SH3KBP1: variants seen among roughly 807,000 people sequenced by gnomAD.
SH3KBP1 encodes SH3 domain containing kinase binding protein 1.
Under a neutral mutation model 50.1 loss-of-function variants are expected in SH3KBP1, and 8 were observed. That is an observed-to-expected ratio of 0.16 (90% CI 0.09 to 0.29). SH3KBP1 has a LOEUF of 0.29. Ranked by LOEUF, SH3KBP1 falls within the 10% of genes least tolerant of loss-of-function variation. The pLI is 1.00. For missense variants in SH3KBP1, 377 were observed against 535.2 expected (o/e 0.70, Z 2.92); for synonymous variants, 227 against 218.6 (o/e 1.04, Z -0.34).
intron 1 of SH3KBP1, among the ~76,000 whole-genome samples, chrX:19,873,102 A>G (rs920013057): frequency 2.8e-5 from 3 of 108,505 alleles, no homozygotes; most frequent in African/African-American, 1.0e-4. Context: ...CAGGATAGAA[A>G]GGGGACATAT....
intron 3 of SH3KBP1, among the ~76,000 whole-genome samples, chrX:19,723,044 G>T (rs2064115037): frequency 9.3e-6 from 1 of 108,052 alleles, no homozygotes; most frequent in Non-Finnish European, 1.9e-5. Flanking sequence ...TTACCTGGGA[G>T]GCTGAGGTGG....
intron 13 of SH3KBP1, among the ~76,000 whole-genome samples, chrX:19,554,990 A>G (rs1485030862): frequency 8.9e-6 from 1 of 112,797 alleles, no homozygotes; most frequent in Admixed American, 9.4e-5. Flanking sequence ...AGCTGCGATT[A>G]AGGCAGAATT....
chrX:19,658,905 G>A (rs1389882402), intron 6 of SH3KBP1, among the ~76,000 whole-genome samples: 2 of 109,800 alleles, frequency 1.8e-5, no homozygotes, highest in Admixed American at 9.8e-5. Flanking sequence ...ATGAGTTCAA[G>A]CCACATACTT....
chrX:19,736,353 G>A (rs1031357332), intron 3 of SH3KBP1, among the ~76,000 whole-genome samples: 1 of 112,147 alleles, frequency 8.9e-6, no homozygotes, highest in Non-Finnish European at 1.9e-5. Flanking sequence ...AAACACAGGG[G>A]GAATCTGCAA....
At chrX:19,643,534 C>G (rs754842796) in intron 7 of SH3KBP1, among the ~76,000 whole-genome samples, 2 of 108,538 alleles carry the variant, frequency 1.8e-5, no homozygotes, top group South Asian at 8.0e-4. Flanking sequence ...AACCACTGTG[C>G]CCAGCCCAAC....
intron 12 of SH3KBP1, chrX:19,588,205 T>G: frequency 2.0e-6 from 1 of 508,003 alleles, no homozygotes; most frequent in Non-Finnish European, 2.9e-6. Flanking sequence ...GCCTGGGCTA[T>G]GGAAAGAAGC....
chrX:19,550,400 C>T (rs988425214), intron 13 of SH3KBP1, among the ~76,000 whole-genome samples: 5 of 110,928 alleles, frequency 4.5e-5, no homozygotes, highest in African/African-American at 1.6e-4. Context: ...CTCTTTTTTC[C>T]ACAAATCCAA....
chrX:19,584,293 ATT>A (rs1164526931), intron 12 of SH3KBP1, among the ~76,000 whole-genome samples: 28 of 95,029 alleles, frequency 2.9e-4, no homozygotes, highest in African/African-American at 1.1e-3. Flanking sequence ...ATATATTTAT[ATT>A]TATATTTATA....
rs150537236 is a variant in SH3KBP1, at chrX:19,852,019, G to A, written c.5-15737C>T. Among the ~76,000 whole-genome samples, 243 of 111,592 alleles carry A rather than the reference G, an allele frequency of 2.2e-3. 1 individual carries two copies. Among genetic ancestry groups the A allele is most frequent in the African/African-American group, 6.9e-3 (213 of 30,684 alleles). On this transcript the variant is annotated intron_variant, in intron 1 of 17. Transcript: ENST00000397821. ...CAGGAGAAATCTAATCTTCCTCCCC[G>A]GGCTTTGGAACCTGGGCAGGCTGGT...
chrX:19,609,922 T>C (rs2067360840), intron 8 of SH3KBP1, among the ~76,000 whole-genome samples: 1 of 111,863 alleles, frequency 8.9e-6, no homozygotes, highest in South Asian at 3.8e-4. Context: ...CTCGTGGGAA[T>C]TCTCTATAAG....
At chrX:19,595,828 G>A (rs750448507) in intron 9 of SH3KBP1, among the ~76,000 whole-genome samples, 39 of 111,742 alleles carry the variant, frequency 3.5e-4, no homozygotes, top group Middle Eastern at 4.6e-3. Flanking sequence ...CTGTGTTAGG[G>A]GGAAGCAGTG....
At chrX:19,760,041 C>CCCT (rs2065349510) in intron 2 of SH3KBP1, among the ~76,000 whole-genome samples, 1 of 50,459 alleles carries the variant, frequency 2.0e-5, no homozygotes, top group Non-Finnish European at 3.6e-5. Flanking sequence ...TCTCTCTCTC[C>CCCT]CTCTCTCTCT....
chrX:19,609,057 G>T (rs2067329211), intron 8 of SH3KBP1, among the ~76,000 whole-genome samples: 1 of 112,795 alleles, frequency 8.9e-6, no homozygotes, highest in Admixed American at 9.3e-5. Flanking sequence ...CTAGAGAAAG[G>T]ACAACGAGCA....
chrX:19,587,811 A>G (rs2077805185), intron 12 of SH3KBP1, among the ~76,000 whole-genome samples: 1 of 112,391 alleles, frequency 8.9e-6, no homozygotes, highest in African/African-American at 3.2e-5. Context: ...CTTAGCTCAT[A>G]AGAACAAAAA....
intron 8 of SH3KBP1, among the ~76,000 whole-genome samples, chrX:19,610,888 T>C (rs768769097): frequency 1.1e-3 from 124 of 111,767 alleles, no homozygotes; most frequent in African/African-American, 3.9e-3. Flanking sequence ...AAAAAAACTA[T>C]CTTTTTTTGC....
intron 3 of SH3KBP1, among the ~76,000 whole-genome samples, chrX:19,719,874 T>C (rs189759203): frequency 3.9e-5 from 4 of 102,777 alleles, no homozygotes; most frequent in South Asian, 4.2e-4. Context: ...ATAATAATAA[T>C]AATAACAATA....
At chrX:19,615,966 A>G (rs1170698537) in intron 8 of SH3KBP1, among the ~76,000 whole-genome samples, 1 of 104,364 alleles carries the variant, frequency 9.6e-6, no homozygotes, top group African/African-American at 3.6e-5. Context: ...CCCAGGCTGG[A>G]GTGCAGTGGC....
chrX:19,673,724 A>G (rs1349351925), intron 6 of SH3KBP1, among the ~76,000 whole-genome samples: 1 of 111,251 alleles, frequency 9.0e-6, no homozygotes, highest in Non-Finnish European at 1.9e-5. Context: ...CTGCTGCCCA[A>G]CTGAACTCCT....
At chrX:19,584,139 TATATATTTATATATA>T (rs1223452382) in intron 12 of SH3KBP1, among the ~76,000 whole-genome samples, 52 of 94,110 alleles carry the variant, frequency 5.5e-4, no homozygotes, top group African/African-American at 1.9e-3. Context: ...ATATTAATAA[TATATATTTATATATA>T]ATATATTTAT....
Sources: gnomAD v4.1 joint callset for allele counts (sites outside exome capture counted in the v4.1 genomes callset) on GRCh38, gnomAD v4.1.1 for gene constraint, MANE v1.5 for transcripts, NCBI Gene and HGNC (gene_info 2026-07-23, HGNC 2026-07-21) for gene names.